The following ERC1 variants were observed in gnomAD, a reference collection of about 807,000 sequenced individuals.
The protein encoded by ERC1 is ELKS/RAB6-interacting/CAST family member 1, also known as RAB6 interacting protein 2.
ERC1 carries 56 observed loss-of-function variants against 132.0 expected under a neutral mutation model. That is an observed-to-expected ratio of 0.42 (90% CI 0.34 to 0.53). The LOEUF (loss-of-function observed/expected upper bound fraction) is 0.53. Among genes scored for constraint, ERC1 ranks in the 20% least tolerant of loss-of-function variants. ERC1 has a pLI of 0.03. For synonymous variants in ERC1, 478 were observed against 476.1 expected (o/e 1.00, Z -0.05); for missense variants, 1,202 against 1,349.9 (o/e 0.89, Z 1.72).
Position 1,142,680 on chromosome 12 carries a change from T to G in ERC1, c.1737+893T>G, listed in dbSNP as rs373307117. 5.3e-5 allele frequency among the ~76,000 whole-genome samples: 8 copies of G among 152,324 alleles called. No individual in the cohort carries two copies. The South Asian group carries it at 1.7e-3, about 32-fold the overall frequency. ...TTTCACTTTTTGGCAATCTGATAGG[T>G]GAGCAAACAATGTCAGTGTAGTTGG... is the stretch of plus-strand genomic sequence containing the variant. On this transcript the variant is annotated intron_variant, in intron 8 of 18. Coordinates refer to ENST00000360905, the MANE Select transcript of ERC1 (RefSeq NM_178040.4).
chr12:1,375,712 C>T (rs2087808633), intron 16 of ERC1, among the ~76,000 whole-genome samples: 1 of 147,768 alleles, frequency 6.8e-6, no homozygotes, highest in South Asian at 2.2e-4. Flanking sequence ...GGGGTAGTCT[C>T]AGTAAGCATG....
intron 14 of ERC1, among the ~76,000 whole-genome samples, chr12:1,284,265 CGTGTGTGT>C (rs71055142): frequency 0.059 from 8,287 of 140,158 alleles, 289 homozygotes; most frequent in Middle Eastern, 0.14. Flanking sequence ...GAATAGTATT[CGTGTGTGT>C]GTGTGTGTGT....
At position 1,181,913 on chromosome 12, in the gene ERC1, TTC is replaced by T; in HGVS notation, c.1876-7_1876-6del. Reference sequence around the variant, plus strand: ...GGGAATTTCTTCACATGTTGATATATTCTCTCATCAGGAGCGGACAATTGAAC... The same window carrying T: ...GGGAATTTCTTCACATGTTGATATATTCTCATCAGGAGCGGACAATTGAAC... On this transcript the variant is annotated splice_polypyrimidine_tract_variant and intron_variant, in intron 9 of 18. Coordinates refer to ENST00000360905, the MANE Select transcript of ERC1 (RefSeq NM_178040.4). 1 of 1,605,266 alleles carries T rather than the reference TTC, an allele frequency of 6.2e-7. No homozygotes were observed. The highest frequency in any genetic ancestry group is 1.1e-5 in the South Asian group (1 of 89,584).
chr12:1,289,601 C>T (rs2079292329), intron 14 of ERC1, among the ~76,000 whole-genome samples: 1 of 152,090 alleles, frequency 6.6e-6, no homozygotes, highest in Non-Finnish European at 1.5e-5. Context: ...AAACTGATAA[C>T]TTGTATGCCC....
intron 2 of ERC1, among the ~76,000 whole-genome samples, chr12:1,041,867 T>C (rs1970266388): frequency 6.6e-6 from 1 of 152,162 alleles, no homozygotes; most frequent in Non-Finnish European, 1.5e-5. Context: ...AGGAAGCCCT[T>C]ATATTGTAGT....
At chr12:1,197,702 A>G (rs1956468382) in intron 12 of ERC1, among the ~76,000 whole-genome samples, 1 of 152,196 alleles carries the variant, frequency 6.6e-6, no homozygotes, top group South Asian at 2.1e-4. Context: ...CATTTCATTT[A>G]TAGATTATGC....
intron 12 of ERC1, among the ~76,000 whole-genome samples, chr12:1,202,206 C>A (rs1240928116): frequency 6.6e-6 from 1 of 152,162 alleles, no homozygotes; most frequent in Non-Finnish European, 1.5e-5. Context: ...AGGTTATCTT[C>A]CCAAAGTTTC....
chr12:1,451,428 C>T lies in ERC1; in HGVS notation c.3213+6678C>T, dbSNP rs143627458. ...AGGAGTTCAAGACTAGCCTGGACAA[C>T]GGTGAAGCCCTTATCTCTACAAAAA... On this transcript the variant is annotated intron_variant, in intron 18 of 18. Transcript: ENST00000360905. Among the ~76,000 whole-genome samples the T allele has an allele frequency of 4.2e-3, 633 of 152,046 alleles. 5 individuals carry two copies. The highest frequency in any genetic ancestry group is 0.014 in the African/African-American group (581 of 41,404).
intron 8 of ERC1, among the ~76,000 whole-genome samples, chr12:1,142,546 G>A (rs1344608721): frequency 1.3e-5 from 2 of 152,136 alleles, no homozygotes; most frequent in African/African-American, 2.4e-5. Context: ...TAATTTTGAT[G>A]GATTTTGCCA....
chr12:1,056,640 C>A (rs1033592521), intron 2 of ERC1, among the ~76,000 whole-genome samples: 1 of 152,070 alleles, frequency 6.6e-6, no homozygotes, highest in African/African-American at 2.4e-5. Context: ...TTTTATTATG[C>A]AGATGGCTTC....
At chr12:1,034,924 A>G (rs145294282) in intron 2 of ERC1, among the ~76,000 whole-genome samples, 6 of 152,328 alleles carry the variant, frequency 3.9e-5, no homozygotes, top group African/African-American at 1.2e-4. Flanking sequence ...GTGCTGAAGA[A>G]TGGTGAACAC....
chr12:1,253,750 C>T (rs1400647229), intron 13 of ERC1, among the ~76,000 whole-genome samples: 2 of 152,096 alleles, frequency 1.3e-5, no homozygotes, highest in African/African-American at 4.8e-5. Flanking sequence ...ACAGAGCTGA[C>T]ATCAAGAAGT....
chr12:1,065,480 TTGTGTGTGTG>T lies in ERC1; in HGVS notation c.670-17652_670-17643del, dbSNP rs71293132. ...TTGTTTTCCTATTTCTTTGTACCGT[TTGTGTGTGTG>T]TGTGTGTGTGTGTGTGTGTGTGTGT... On this transcript the variant is annotated intron_variant, in intron 2 of 18. Transcript: ENST00000360905. 8.7e-4 allele frequency among the ~76,000 whole-genome samples: 109 copies of T among 125,010 alleles called. 1 individual carries two copies. The highest frequency in any genetic ancestry group is 1.3e-3 in the African/African-American group (43 of 33,138). 82.0% of individuals were successfully genotyped at this position (125,010 alleles called of 152,430 possible).
At chr12:1,016,263 T>C (rs944078611) in intron 1 of ERC1, among the ~76,000 whole-genome samples, 3 of 152,262 alleles carry the variant, frequency 2.0e-5, no homozygotes, top group Non-Finnish European at 2.9e-5. Context: ...CTTACAAATA[T>C]AGCACATCTG....
intron 15 of ERC1, among the ~76,000 whole-genome samples, chr12:1,370,971 C>G (rs1022242411): frequency 3.9e-5 from 6 of 152,186 alleles, no homozygotes; most frequent in African/African-American, 1.4e-4. Flanking sequence ...CCTCAGCCTC[C>G]CAAAGTGCTG....
At chr12:1,173,892 G>A (rs944522066) in intron 8 of ERC1, among the ~76,000 whole-genome samples, 2 of 151,946 alleles carry the variant, frequency 1.3e-5, no homozygotes, top group Non-Finnish European at 2.9e-5. Context: ...TGAATTCAGT[G>A]AGTGAGGGCT....
chr12:1,040,191 T>C (rs1198975955), intron 2 of ERC1, among the ~76,000 whole-genome samples: 1 of 152,206 alleles, frequency 6.6e-6, no homozygotes, highest in Non-Finnish European at 1.5e-5. Flanking sequence ...AGTGAGGAAA[T>C]GATAAATTTT....
At chr12:1,019,401 A>C (rs1965992648) in intron 1 of ERC1, among the ~76,000 whole-genome samples, 1 of 152,226 alleles carries the variant, frequency 6.6e-6, no homozygotes, top group Admixed American at 6.5e-5. Flanking sequence ...CTGGGGTTAT[A>C]GGTATGAGCC....
chr12:1,364,556 C>G (rs1029613306), intron 15 of ERC1, among the ~76,000 whole-genome samples: 7 of 152,192 alleles, frequency 4.6e-5, no homozygotes, highest in Non-Finnish European at 1.5e-5. Context: ...TAGACACTCT[C>G]TAATCCAGTT....
Sources: gnomAD v4.1 joint callset for allele counts (sites outside exome capture counted in the v4.1 genomes callset) on GRCh38, gnomAD v4.1.1 for gene constraint, MANE v1.5 for transcripts, NCBI Gene and HGNC (gene_info 2026-07-23, HGNC 2026-07-21) for gene names.